Variants in TMEM72 observed in about 807,000 individuals in gnomAD.
TMEM72 encodes the protein transmembrane protein 72.
TMEM72 carries 9 observed loss-of-function variants against 16.3 expected under a neutral mutation model. The ratio of observed to expected loss-of-function variants is 0.55; its 90% CI spans 0.33 to 0.96. The LOEUF (loss-of-function observed/expected upper bound fraction) is 0.96, where lower values mean the gene tolerates loss of function less well. TMEM72 is among the 40% of genes least tolerant of loss of function. The pLI is 0.03. For missense variants in TMEM72, 324 were observed against 337.8 expected (o/e 0.96, Z 0.32); for synonymous variants, 160 against 146.5 (o/e 1.09, Z -0.66).
chr10:44,921,315 G>C (rs1840095154), intron 1 of TMEM72, among the ~76,000 whole-genome samples: 1 of 152,134 alleles, frequency 6.6e-6, no homozygotes, highest in Admixed American at 6.5e-5. Context: ...AGAGTAGCTG[G>C]GGAGCCTGAG....
At chr10:44,927,287 T>C (rs1473962066) in intron 1 of TMEM72, among the ~76,000 whole-genome samples, 3 of 151,878 alleles carry the variant, frequency 2.0e-5, no homozygotes, top group Admixed American at 6.6e-5. Flanking sequence ...AGACAGCAAG[T>C]CTGGAAAGGC....
chr10:44,924,971 T>C (rs1340216912), intron 1 of TMEM72, among the ~76,000 whole-genome samples: 16 of 152,222 alleles, frequency 1.1e-4, no homozygotes, highest in Non-Finnish European at 1.9e-4. Context: ...AGGAGTCACC[T>C]CTTTGCATTG....
At chr10:44,912,172 G>A (rs903674904) in intron 1 of TMEM72, among the ~76,000 whole-genome samples, 1 of 152,218 alleles carries the variant, frequency 6.6e-6, no homozygotes, top group African/African-American at 2.4e-5. Flanking sequence ...CTGCAGGAAT[G>A]CACTGTGGTC....
At chr10:44,922,241 G>A (rs1323896060) in intron 1 of TMEM72, among the ~76,000 whole-genome samples, 2 of 152,288 alleles carry the variant, frequency 1.3e-5, no homozygotes, top group East Asian at 1.9e-4. Flanking sequence ...TTGAGAGGGC[G>A]GGGGCCCACC....
At chr10:44,928,071 C>T in intron 2 of TMEM72, 84 bp downstream of exon 2, 2 of 1,467,730 alleles carry the variant, frequency 1.4e-6, no homozygotes, top group Non-Finnish European at 9.4e-7. Flanking sequence ...TAACTCAGAG[C>T]AGTCCCCTTC....
intron 1 of TMEM72, among the ~76,000 whole-genome samples, chr10:44,926,858 T>C (rs1319350941): frequency 6.7e-6 from 1 of 150,118 alleles, no homozygotes; most frequent in Non-Finnish European, 1.5e-5. Context: ...TCTTCCCTGC[T>C]CTCTAGAAGA....
chr10:44,913,505 G>T (rs961840784), intron 1 of TMEM72, among the ~76,000 whole-genome samples: 2 of 151,984 alleles, frequency 1.3e-5, no homozygotes, highest in African/African-American at 4.8e-5. Context: ...CATAGGGCTC[G>T]TCTTAACCAC....
chr10:44,929,599 A>G (rs141786413), intron 2 of TMEM72, among the ~76,000 whole-genome samples: 2 of 152,344 alleles, frequency 1.3e-5, no homozygotes, highest in Non-Finnish European at 2.9e-5. Context: ...GATGCGGTTC[A>G]GCCTCTGAGC....
At chr10:44,919,739 A>G (rs1008359304) in intron 1 of TMEM72, among the ~76,000 whole-genome samples, 2 of 152,212 alleles carry the variant, frequency 1.3e-5, no homozygotes, top group South Asian at 4.1e-4. Flanking sequence ...ATAGGAGCTC[A>G]ATCTGAAGTC....
At position 44,926,130 on chromosome 10, in the gene TMEM72, C is replaced by T. The variant is rs112671926; in HGVS notation, c.71-1791C>T. Among the ~76,000 whole-genome samples, 227 of 151,182 alleles carry T rather than the reference C, an allele frequency of 1.5e-3. 2 individuals carry two copies. Among genetic ancestry groups the T allele is most frequent in the African/African-American group, 5.3e-3 (222 of 41,508 alleles). On this transcript the variant is annotated intron_variant, in intron 1 of 4. Coordinates refer to ENST00000389583, the MANE Select transcript of TMEM72 (RefSeq NM_001123376.3). ...ACACCCACATACACACATACATACACTCACACACTCACATATATACTCACA... is the reference window on the plus strand; with the variant it reads ...ACACCCACATACACACATACATACATTCACACACTCACATATATACTCACA...
chr10:44,934,325 C>T (rs962407070), intron 4 of TMEM72, among the ~76,000 whole-genome samples: 5 of 152,210 alleles, frequency 3.3e-5, no homozygotes, highest in Non-Finnish European at 5.9e-5. Flanking sequence ...TGCTAGTGTC[C>T]TTCTCCTCTC....
At chr10:44,925,696 G>A (rs1189798410) in intron 1 of TMEM72, among the ~76,000 whole-genome samples, 7 of 152,320 alleles carry the variant, frequency 4.6e-5, no homozygotes, top group South Asian at 2.1e-4. Context: ...GCCTCCATCC[G>A]TGGTTGGTTG....
At chr10:44,921,299 G>A (rs1365424505) in intron 1 of TMEM72, among the ~76,000 whole-genome samples, 1 of 152,168 alleles carries the variant, frequency 6.6e-6, no homozygotes, top group East Asian at 1.9e-4. Flanking sequence ...CTGTTGGGCT[G>A]GGGTGAGAGT....
At chr10:44,923,462 T>C (rs912975368) in intron 1 of TMEM72, among the ~76,000 whole-genome samples, 4 of 152,204 alleles carry the variant, frequency 2.6e-5, no homozygotes, top group African/African-American at 4.8e-5. Flanking sequence ...TATGTCGGTC[T>C]CACTCCTCAG....
Position 44,935,157 on chromosome 10 carries a change from C to T in TMEM72, c.*23C>T, listed in dbSNP as rs12249378. On this transcript the variant is annotated 3_prime_UTR_variant, in exon 5 of 5. Transcript: ENST00000389583. ...TGAGCGCTTGCTCCAGCCTGGAGGA[C>T]GCTCAGTGAGGGGTCTACCTAGCTC... The T allele has an allele frequency of 0.016, 24,997 of 1,543,376 alleles. 2,969 individuals carry two copies. The African/African-American group carries it at 0.28, about 17-fold the overall frequency.
At chr10:44,915,603 C>A (rs1840002649) in intron 1 of TMEM72, among the ~76,000 whole-genome samples, 1 of 152,112 alleles carries the variant, frequency 6.6e-6, no homozygotes, top group Admixed American at 6.5e-5. Context: ...ATGCAAAACA[C>A]ACAGAGGAGA....
chr10:44,924,024 T>C (rs890542479), intron 1 of TMEM72, among the ~76,000 whole-genome samples: 37 of 152,184 alleles, frequency 2.4e-4, no homozygotes, highest in Admixed American at 2.0e-3. Context: ...TCTCTGTCCC[T>C]CAGCCACCAC....
At chr10:44,914,162 T>G (rs961009044) in intron 1 of TMEM72, among the ~76,000 whole-genome samples, 19 of 152,198 alleles carry the variant, frequency 1.2e-4, no homozygotes, top group Non-Finnish European at 7.3e-5. Context: ...TTAGGATTCC[T>G]CGAAGTCCCG....
At chr10:44,933,817 T>A (rs748734659) in intron 4 of TMEM72, 41 bp downstream of exon 4, 1 of 1,570,846 alleles carries the variant, frequency 6.4e-7, no homozygotes, top group African/African-American at 1.4e-5. Context: ...CCAGCACAGG[T>A]GGACTCTGAG....
Sources: gnomAD v4.1 joint callset for allele counts (sites outside exome capture counted in the v4.1 genomes callset) on GRCh38, gnomAD v4.1.1 for gene constraint, MANE v1.5 for transcripts, NCBI Gene and HGNC (gene_info 2026-07-23, HGNC 2026-07-21) for gene names.